Variants in MUC22 observed in about 807,000 individuals in gnomAD.
MUC22 encodes the protein mucin-22.
Under a neutral mutation model 40.3 loss-of-function variants are expected in MUC22, and 24 were observed. The ratio of observed to expected loss-of-function variants is 0.60; its 90% confidence interval spans 0.43 to 0.84. MUC22 has a LOEUF of 0.84. Among genes scored for constraint, MUC22 ranks in the 40% least tolerant of loss-of-function variants. The pLI, the probability that MUC22 is intolerant of heterozygous loss-of-function variation, is 0.00. For synonymous variants in MUC22, 765 were observed against 844.5 expected, an observed-to-expected ratio of 0.91 and a Z score of 1.63; for missense variants, 1,926 against 2,130.7, an observed-to-expected ratio of 0.90 and a Z score of 1.89.
At chr6:31,020,826 G>GCCCTGCAGGC (rs1281085078) in intron 1 of MUC22, among the ~76,000 whole-genome samples, 1 of 152,236 alleles carries the variant, frequency 6.6e-6, no homozygotes, top group Non-Finnish European at 1.5e-5. Context: ...CAGCCAGCGG[G>GCCCTGCAGGC]CCCTGCAGGC....
At chr6:31,019,675 A>G (rs1362620089) in intron 1 of MUC22, among the ~76,000 whole-genome samples, 1 of 152,186 alleles carries the variant, frequency 6.6e-6, no homozygotes, top group African/African-American at 2.4e-5. Flanking sequence ...CCAACATGGC[A>G]AAACTCTGTT....
chr6:31,027,307 A>G, exon 2 of MUC22: 1 of 1,532,826 alleles, frequency 6.5e-7, no homozygotes, highest in Non-Finnish European at 8.7e-7. Flanking sequence ...CTCTGAGACC[A>G]CCACAGCCTC....
chr6:31,026,440 A>G, exon 2 of MUC22: 1 of 1,507,656 alleles, frequency 6.6e-7, no homozygotes, highest in Non-Finnish European at 8.9e-7. Flanking sequence ...AGGCTCTGGG[A>G]CCACCACAGC....
At chr6:31,006,327 C>T (rs111628690), upstream of MUC22, among the ~76,000 whole-genome samples, 118 of 152,094 alleles carry the variant, frequency 7.8e-4, no homozygotes, top group Non-Finnish European at 1.4e-3. Context: ...TCAATAAAAG[C>T]TTTTCAAGCA....
Position 31,026,961 on chromosome 6 carries a change from T to G in MUC22, c.1530T>G (p.Thr510=). ...GCTCTGAGACCACTGCAGCCTCTAC[T>G]GAAGATTCTGAAACCAACACAGCAT... The change falls in exon 2 of 4, where the codon ACT becomes ACG. Residue 510 remains threonine (T), a synonymous_variant. Transcript: ENST00000561890. 2 of 1,492,838 alleles carry G rather than the reference T, an allele frequency of 1.3e-6. 1 individual carries two copies. The highest frequency in any genetic ancestry group is 1.8e-6 in the Non-Finnish European group (2 of 1,118,832). 92.5% of individuals were successfully genotyped at this position (1,492,838 alleles called of 1,614,324 possible).
chr6:31,013,594 C>T (rs1470559159), intron 1 of MUC22, among the ~76,000 whole-genome samples: 1 of 152,156 alleles, frequency 6.6e-6, no homozygotes, highest in African/African-American at 2.4e-5. Context: ...CCCCTGATTC[C>T]CTTGCCCCAA....
exon 2 of MUC22, chr6:31,027,020 C>T: frequency 6.6e-7 from 1 of 1,506,038 alleles, no homozygotes; most frequent in Non-Finnish European, 8.9e-7. Context: ...ACAGCCTCTA[C>T]TACAGGGTTT....
intron 1 of MUC22, among the ~76,000 whole-genome samples, chr6:31,016,957 C>T (rs551862767): frequency 3.3e-5 from 5 of 152,348 alleles, no homozygotes; most frequent in Admixed American, 6.5e-5. Context: ...CCAGCAGCTG[C>T]GGAGGGTGCG....
At chr6:31,017,219 G>C (rs1258725568) in intron 1 of MUC22, among the ~76,000 whole-genome samples, 1 of 152,260 alleles carries the variant, frequency 6.6e-6, no homozygotes, top group Non-Finnish European at 1.5e-5. Context: ...AGCTCCATCT[G>C]CGGCCCAGGT....
exon 2 of MUC22, chr6:31,027,491 C>A: frequency 6.5e-7 from 1 of 1,531,392 alleles, no homozygotes; most frequent in South Asian, 1.2e-5. Flanking sequence ...GAGACCACTA[C>A]AGCCTCTACT....
At chr6:31,025,447 A>G (rs892815469) in intron 1 of MUC22, 55 bp from the exon 2 acceptor site, 2 of 1,443,714 alleles carry the variant, frequency 1.4e-6, no homozygotes, top group Non-Finnish European at 1.8e-6. Context: ...ACTATACTAA[A>G]CCTGCAAATT....
upstream of MUC22, among the ~76,000 whole-genome samples, chr6:31,009,073 G>A (rs922182001): frequency 1.3e-5 from 2 of 152,142 alleles, no homozygotes; most frequent in Non-Finnish European, 2.9e-5. Context: ...TAGTCTCCAT[G>A]TGATTAAAGT....
chr6:31,030,530 A>AC (rs1410708065), intron 2 of MUC22, among the ~76,000 whole-genome samples: 1 of 151,266 alleles, frequency 6.6e-6, no homozygotes, highest in Non-Finnish European at 1.5e-5. Flanking sequence ...AAAAAAAAAA[A>AC]AAATGTCCTC....
chr6:31,034,522 C>T (rs1766301002), intron 3 of MUC22, 150 bp from the exon 4 acceptor site: 2 of 653,830 alleles, frequency 3.1e-6, no homozygotes. Context: ...GAGACAGAGA[C>T]AGAGATCATA....
intron 1 of MUC22, among the ~76,000 whole-genome samples, chr6:31,022,455 C>T (rs1447839219): frequency 1.3e-5 from 2 of 149,160 alleles, no homozygotes; most frequent in African/African-American, 5.0e-5. Flanking sequence ...ACAGGCAAGA[C>T]TGACATTTTT....
chr6:31,027,718 T>C, exon 2 of MUC22: 1 of 1,530,450 alleles, frequency 6.5e-7, no homozygotes, highest in Non-Finnish European at 8.7e-7. Context: ...TACTGAAGGC[T>C]CTGAGACCAC....
At chr6:31,019,476 C>G (rs930710806) in intron 1 of MUC22, among the ~76,000 whole-genome samples, 1 of 152,096 alleles carries the variant, frequency 6.6e-6, no homozygotes, top group African/African-American at 2.4e-5. Context: ...ATGATTAAGC[C>G]CCAGATCATT....
chr6:31,012,857 C>G (rs1454261628), intron 1 of MUC22, among the ~76,000 whole-genome samples: 4 of 152,148 alleles, frequency 2.6e-5, no homozygotes, highest in Non-Finnish European at 5.9e-5. Flanking sequence ...TCTCACTTTA[C>G]CTTTCTTGGG....
chr6:31,026,067 C>T, exon 2 of MUC22: 5 of 1,530,194 alleles, frequency 3.3e-6, no homozygotes, highest in African/African-American at 1.4e-5. Context: ...CTACCACAGG[C>T]TCTGAAACCA....
Sources: gnomAD v4.1 joint callset for allele counts (sites outside exome capture counted in the v4.1 genomes callset) on GRCh38, gnomAD v4.1.1 for gene constraint, MANE v1.5 for transcripts, NCBI Gene and HGNC (gene_info 2026-07-23, HGNC 2026-07-21) for gene names.